The following EPHB1 variants were observed in gnomAD, a reference collection of about 807,000 sequenced individuals.
EPHB1 encodes the protein ephrin type-B receptor 1.
Under a neutral mutation model 94.4 loss-of-function variants are expected in EPHB1, and 30 were observed. The ratio of observed to expected loss-of-function variants is 0.32; its 90% CI spans 0.24 to 0.43. The LOEUF is 0.43. Ranked by LOEUF, EPHB1 falls within the 20% of genes least tolerant of loss-of-function variation. The pLI is 1.00. For synonymous variants in EPHB1, 522 were observed against 489.1 expected (o/e 1.07, Z -0.89); for missense variants, 1,055 against 1,308.3 (o/e 0.81, Z 2.99).
At chr3:135,112,549 C>T (rs1247548524) in intron 4 of EPHB1, among the ~76,000 whole-genome samples, 1 of 111,880 alleles carries the variant, frequency 8.9e-6, no homozygotes, top group Non-Finnish European at 1.7e-5. Flanking sequence ...CTCCCCCCAC[C>T]CCACAACAGT....
intron 1 of EPHB1, among the ~76,000 whole-genome samples, chr3:134,853,195 G>C (rs1267774680): frequency 6.6e-6 from 1 of 152,212 alleles, no homozygotes; most frequent in Non-Finnish European, 1.5e-5. Flanking sequence ...GCTTACCTGG[G>C]GGACTGTTGT....
intron 3 of EPHB1, among the ~76,000 whole-genome samples, chr3:135,073,584 A>G (rs1937799887): frequency 1.3e-5 from 2 of 152,356 alleles, no homozygotes; most frequent in African/African-American, 2.4e-5. Context: ...CCATTATCAC[A>G]TCTAAGCAAA....
intron 11 of EPHB1, among the ~76,000 whole-genome samples, chr3:135,194,342 A>G (rs1017997106): frequency 2.0e-5 from 3 of 152,178 alleles, no homozygotes; most frequent in Admixed American, 6.5e-5. Context: ...TTTTTTCCCC[A>G]TAAGTTAAGT....
intron 3 of EPHB1, among the ~76,000 whole-genome samples, chr3:135,041,104 G>C (rs1936824680): frequency 6.6e-6 from 1 of 152,152 alleles, no homozygotes; most frequent in South Asian, 2.1e-4. Context: ...TCTTCCCTGG[G>C]CTCCTGTAAA....
At chr3:135,198,115 A>G (rs981184253) in intron 11 of EPHB1, among the ~76,000 whole-genome samples, 1 of 152,216 alleles carries the variant, frequency 6.6e-6, no homozygotes, top group Non-Finnish European at 1.5e-5. Flanking sequence ...TAAGAGTAGC[A>G]TCACTAATCC....
chr3:135,130,954 T>G (rs1438623567), intron 4 of EPHB1, among the ~76,000 whole-genome samples: 3 of 152,144 alleles, frequency 2.0e-5, no homozygotes, highest in Non-Finnish European at 4.4e-5. Context: ...AGCAAACAGA[T>G]GTGTCCAAGA....
chr3:134,853,841 A>G (rs2037046595), intron 1 of EPHB1, among the ~76,000 whole-genome samples: 1 of 152,196 alleles, frequency 6.6e-6, no homozygotes, highest in Non-Finnish European at 1.5e-5. Flanking sequence ...AAACAGAGAC[A>G]GGGGTTCCAT....
intron 5 of EPHB1, among the ~76,000 whole-genome samples, 194 bp from the exon 6 acceptor site, chr3:135,153,958 C>G (rs1056608786): frequency 2.6e-5 from 4 of 152,232 alleles, no homozygotes; most frequent in Non-Finnish European, 5.9e-5. Context: ...GCTACCTTCT[C>G]TCTCCTCTGT....
At chr3:134,900,164 G>T (rs1404772485) in intron 1 of EPHB1, among the ~76,000 whole-genome samples, 1 of 152,132 alleles carries the variant, frequency 6.6e-6, no homozygotes, top group Non-Finnish European at 1.5e-5. Context: ...GGCTGCTGGG[G>T]AGTCATGGCA....
At chr3:135,079,890 A>G (rs1003770432) in intron 3 of EPHB1, among the ~76,000 whole-genome samples, 1 of 151,744 alleles carries the variant, frequency 6.6e-6, no homozygotes, top group Non-Finnish European at 1.5e-5. Flanking sequence ...GGGCAACTGG[A>G]GTGTTGAGTA....
intron 3 of EPHB1, among the ~76,000 whole-genome samples, chr3:135,092,001 C>T (rs772590519): frequency 6.6e-6 from 1 of 152,060 alleles, no homozygotes; most frequent in Non-Finnish European, 1.5e-5. Context: ...TAAACGGAAT[C>T]CATTAAGGTC....
At position 135,154,256 on chromosome 3, in the gene EPHB1, G is replaced by A. The variant is rs1401137889; in HGVS notation, c.1402G>A (p.Glu468Lys). 6.2e-7 allele frequency: 1 copy of A among 1,613,842 alleles called. No homozygotes were observed. ...GCCCAATGGCATCATCCTGGACTAT[G>A]AGATCCGGTACTATGAGAAGGTGAG... ...EQPNGIILDY[E>K]IRYYEKEHNE... is the part of the protein sequence containing the mutation. The change falls in exon 6 of 16, where the codon GAG (glutamate) becomes AAG (lysine). Residue 468 changes from glutamate to lysine, a missense_variant. Coordinates refer to ENST00000398015, the MANE Select transcript of EPHB1 (RefSeq NM_004441.5).
chr3:135,124,386 T>G (rs1207092397), intron 4 of EPHB1, among the ~76,000 whole-genome samples: 1 of 151,760 alleles, frequency 6.6e-6, no homozygotes, highest in African/African-American at 2.4e-5. Context: ...TGAAATGTTT[T>G]CTGACTCCTT....
At chr3:135,030,352 G>T (rs892442700) in intron 3 of EPHB1, among the ~76,000 whole-genome samples, 2 of 152,184 alleles carry the variant, frequency 1.3e-5, no homozygotes, top group African/African-American at 4.8e-5. Context: ...TATCTTTGTG[G>T]TTTTATCTAC....
chr3:135,194,937 T>C (rs1942558040), intron 11 of EPHB1, among the ~76,000 whole-genome samples: 1 of 152,210 alleles, frequency 6.6e-6, no homozygotes, highest in Non-Finnish European at 1.5e-5. Context: ...GTGTACATTA[T>C]CTCTCACTGT....
intron 12 of EPHB1, among the ~76,000 whole-genome samples, chr3:135,236,742 G>C (rs1454087790): frequency 6.6e-6 from 1 of 152,146 alleles, no homozygotes; most frequent in Non-Finnish European, 1.5e-5. Context: ...ACAATACTCA[G>C]TATTCATGAG....
intron 3 of EPHB1, among the ~76,000 whole-genome samples, chr3:135,031,750 C>T (rs1162722954): frequency 6.6e-6 from 1 of 152,114 alleles, no homozygotes; most frequent in Non-Finnish European, 1.5e-5. Flanking sequence ...AGATGATCTC[C>T]CAACTCCTTC....
chr3:135,104,201 C>G (rs1939127835), intron 3 of EPHB1, among the ~76,000 whole-genome samples: 1 of 152,078 alleles, frequency 6.6e-6, no homozygotes, highest in African/African-American at 2.4e-5. Flanking sequence ...CTGAATGGGG[C>G]CAGGAAGGCT....
chr3:135,199,267 T>G (rs1942698154), intron 11 of EPHB1, among the ~76,000 whole-genome samples: 1 of 152,192 alleles, frequency 6.6e-6, no homozygotes, highest in Non-Finnish European at 1.5e-5. Flanking sequence ...GATACACCTC[T>G]GTAATATATA....
Sources: allele counts gnomAD v4.1 joint callset (sites outside exome capture counted in the v4.1 genomes callset), GRCh38; gene constraint gnomAD v4.1.1; transcripts MANE v1.5; gene names NCBI Gene and HGNC (gene_info 2026-07-23, HGNC 2026-07-21).